NTM: variants seen among roughly 807,000 people sequenced by gnomAD.
NTM encodes the protein IgLON family member 2.
In NTM, 13 loss-of-function variants were observed where a neutral mutation model predicts 42.1. The observed-to-expected ratio is 0.31, with a 90% CI of 0.20 to 0.49. The LOEUF is 0.49. NTM is among the 20% of genes least tolerant of loss of function. The probability of loss-of-function intolerance (pLI) is 0.99; values close to 1 mark genes in which losing one functional copy is unlikely to be tolerated. For missense variants in NTM, 373 were observed against 452.8 expected (o/e 0.82, Z 1.60); for synonymous variants, 187 against 179.2 (o/e 1.04, Z -0.35).
intron 1 of NTM, among the ~76,000 whole-genome samples, chr11:131,655,065 C>T (rs554591612): frequency 9.2e-5 from 14 of 152,286 alleles, no homozygotes; most frequent in African/African-American, 2.2e-4. Flanking sequence ...TCCTCGGGCA[C>T]GCTGTAGCAC....
chr11:131,916,381 C>T (rs926702012), intron 2 of NTM, among the ~76,000 whole-genome samples: 16 of 152,330 alleles, frequency 1.1e-4, no homozygotes, highest in African/African-American at 3.8e-4. Context: ...TCCTGGGGAT[C>T]ACTTGGCAGG....
chr11:132,156,503 T>C (rs1335679285), intron 3 of NTM, among the ~76,000 whole-genome samples: 5 of 152,210 alleles, frequency 3.3e-5, no homozygotes, highest in African/African-American at 1.2e-4. Context: ...TTGCCACAGT[T>C]AAAATGTGGC....
chr11:132,289,679 G>A (rs750205584), intron 4 of NTM, among the ~76,000 whole-genome samples: 2 of 152,190 alleles, frequency 1.3e-5, no homozygotes, highest in Non-Finnish European at 2.9e-5. Flanking sequence ...ACACTTTTCA[G>A]ACCACAGAGG....
At chr11:132,265,637 A>G (rs2139605186) in intron 4 of NTM, among the ~76,000 whole-genome samples, 1 of 152,316 alleles carries the variant, frequency 6.6e-6, no homozygotes, top group South Asian at 2.1e-4. Context: ...AAATGCAGGA[A>G]ACATGACAGT....
At chr11:131,383,794 G>A (rs1307229482) in intron 1 of NTM, among the ~76,000 whole-genome samples, 5 of 152,260 alleles carry the variant, frequency 3.3e-5, no homozygotes, top group African/African-American at 4.8e-5. Context: ...ATTTGGGTTC[G>A]TTGAAAATGG....
chr11:131,844,109 G>A (rs775770740), intron 1 of NTM, among the ~76,000 whole-genome samples: 21 of 152,120 alleles, frequency 1.4e-4, no homozygotes, highest in East Asian at 5.8e-4. Flanking sequence ...TTTCCTACCC[G>A]AAAAACATAA....
chr11:131,852,932 A>G (rs915362288), intron 1 of NTM, among the ~76,000 whole-genome samples: 27 of 149,528 alleles, frequency 1.8e-4, no homozygotes, highest in African/African-American at 5.9e-4. Context: ...CCACCCATCC[A>G]TCCATCCACC....
intron 3 of NTM, among the ~76,000 whole-genome samples, chr11:132,151,350 C>A: frequency 6.6e-6 from 1 of 152,166 alleles, no homozygotes; most frequent in Admixed American, 6.5e-5. Flanking sequence ...GGTGGTAGAG[C>A]AAAAGTGTGC....
intron 1 of NTM, among the ~76,000 whole-genome samples, chr11:131,597,710 G>A (rs1188067441): frequency 1.3e-5 from 2 of 152,314 alleles, no homozygotes; most frequent in South Asian, 4.1e-4. Flanking sequence ...GGAGGCAAAA[G>A]CAAATGGAGA....
chr11:132,177,999 G>A (rs2077056323), intron 3 of NTM, among the ~76,000 whole-genome samples: 1 of 152,176 alleles, frequency 6.6e-6, no homozygotes, highest in East Asian at 1.9e-4. Flanking sequence ...CAAAAGAAAT[G>A]GAAAATTTTG....
intron 1 of NTM, chr11:131,769,632 A>T (rs2085710560): frequency 1.0e-6 from 1 of 969,260 alleles, no homozygotes; most frequent in Non-Finnish European, 1.2e-6. Flanking sequence ...CTGCCTGTGG[A>T]GCAGATAGCA....
intron 1 of NTM, among the ~76,000 whole-genome samples, chr11:131,789,349 AAAT>A (rs144547552): frequency 0.36 from 40,189 of 112,658 alleles, 10,449 homozygotes; most frequent in African/African-American, 0.69. Flanking sequence ...GTGAATTTAA[AAAT>A]AATAATAATA....
chr11:132,080,368 C>T (rs2058880939), intron 2 of NTM, among the ~76,000 whole-genome samples: 1 of 152,198 alleles, frequency 6.6e-6, no homozygotes, highest in Non-Finnish European at 1.5e-5. Flanking sequence ...AAAGAGCAGA[C>T]AGGGCTTATC....
intron 1 of NTM, among the ~76,000 whole-genome samples, chr11:131,414,834 A>G (rs1192414075): frequency 2.0e-5 from 3 of 151,984 alleles, no homozygotes; most frequent in African/African-American, 4.8e-5. Context: ...GTTCTTTCCA[A>G]CCCTTCAGAA....
At chr11:131,822,511 A>G (rs182233649) in intron 1 of NTM, among the ~76,000 whole-genome samples, 1 of 152,370 alleles carries the variant, frequency 6.6e-6, no homozygotes, top group African/African-American at 2.4e-5. Context: ...AGTGTGAAGA[A>G]TAAGAACGCG....
At chr11:131,395,839 G>C (rs1477219797) in intron 1 of NTM, among the ~76,000 whole-genome samples, 1 of 152,154 alleles carries the variant, frequency 6.6e-6, no homozygotes, top group Non-Finnish European at 1.5e-5. Flanking sequence ...TGTCAACCCA[G>C]TTTATTCTTT....
At chr11:131,972,356 A>G (rs551360910) in intron 2 of NTM, among the ~76,000 whole-genome samples, 3 of 152,320 alleles carry the variant, frequency 2.0e-5, no homozygotes, top group Non-Finnish European at 4.4e-5. Flanking sequence ...ACATGTATAT[A>G]TATAAATTAT....
intron 2 of NTM, among the ~76,000 whole-genome samples, chr11:132,069,336 A>C (rs375052436): frequency 2.8e-5 from 4 of 142,400 alleles, no homozygotes; most frequent in Admixed American, 1.4e-4. Flanking sequence ...AACACGTCAC[A>C]CAGCCAAGTT....
chr11:132,179,853 A>G (rs568345095), intron 3 of NTM, among the ~76,000 whole-genome samples: 2 of 152,310 alleles, frequency 1.3e-5, no homozygotes, highest in Non-Finnish European at 2.9e-5. Context: ...GGGGGGTAGC[A>G]TAGCATAGCA....
Sources: gnomAD v4.1 joint callset for allele counts (sites outside exome capture counted in the v4.1 genomes callset) on GRCh38, gnomAD v4.1.1 for gene constraint, MANE v1.5 for transcripts, NCBI Gene and HGNC (gene_info 2026-07-23, HGNC 2026-07-21) for gene names.